The following AAK1 variants were observed in gnomAD, a reference collection of about 807,000 sequenced individuals.
The protein encoded by AAK1 is AP2 associated kinase 1.
In AAK1, 37 loss-of-function variants were observed where a neutral mutation model predicts 116.0. The observed-to-expected ratio is 0.32, with a 90% CI of 0.25 to 0.42. The LOEUF (loss-of-function observed/expected upper bound fraction) is 0.42. Among genes scored for constraint, AAK1 ranks in the 10% least tolerant of loss-of-function variants. The probability of loss-of-function intolerance (pLI) is 1.00; values close to 1 mark genes in which losing one functional copy is unlikely to be tolerated. For missense variants in AAK1, 919 were observed against 1,170.6 expected (o/e 0.79, Z 3.14); for synonymous variants, 458 against 439.9 (o/e 1.04, Z -0.51).
chr2:69,590,909 A>G (rs1672999062), intron 2 of AAK1, among the ~76,000 whole-genome samples: 1 of 152,238 alleles, frequency 6.6e-6, no homozygotes, highest in African/African-American at 2.4e-5. Context: ...TATTGGAGCG[A>G]TAAGGCATGA....
chr2:69,559,229 GAC>G (rs1671523073), intron 2 of AAK1, among the ~76,000 whole-genome samples: 1 of 149,996 alleles, frequency 6.7e-6, no homozygotes, highest in South Asian at 2.1e-4. Flanking sequence ...AAGTAGCATT[GAC>G]ACTTAGAGGT....
Position 69,475,776 on chromosome 2 carries a change from T to G in AAK1, c.*93A>C, listed in dbSNP as rs1572875405. The G allele has an allele frequency of 7.3e-6, 11 of 1,499,800 alleles. No homozygotes were observed. In the South Asian group the frequency reaches 1.0e-4, roughly 14 times the overall value. 92.9% of individuals were successfully genotyped at this position (1,499,800 alleles called of 1,614,324 possible). ...GCTGGAGGGCCCCTTATTTGCAGATTTTTTTAAAAAAATCATTTTTTTCAT... is the reference window on the plus strand; with the variant it reads ...GCTGGAGGGCCCCTTATTTGCAGATGTTTTTAAAAAAATCATTTTTTTCAT... On this transcript the variant is annotated 3_prime_UTR_variant, in exon 22 of 22. Transcript: ENST00000409085.
chr2:69,571,932 A>T (rs1337262410), intron 2 of AAK1, among the ~76,000 whole-genome samples: 2 of 152,204 alleles, frequency 1.3e-5, no homozygotes, highest in African/African-American at 4.8e-5. Flanking sequence ...ACCTGGGATT[A>T]TCAGAAAGCA....
intron 2 of AAK1, among the ~76,000 whole-genome samples, chr2:69,560,956 G>A (rs1411493953): frequency 6.6e-6 from 1 of 152,120 alleles, no homozygotes; most frequent in Non-Finnish European, 1.5e-5. Context: ...TAATGGGATG[G>A]CCACCATGCA....
chr2:69,466,882 T>C lies in AAK1; in HGVS notation c.*8987A>G, dbSNP rs1674504553. 1 of 985,468 alleles carries C rather than the reference T, an allele frequency of 1.0e-6. No homozygotes were observed. The highest frequency in any genetic ancestry group is 4.7e-5 in the South Asian group (1 of 21,290). 61.0% of individuals were successfully genotyped at this position (985,468 alleles called of 1,614,324 possible). ...TGCTCTACCTGGCACTGGCTCATTATGGAATGAAAACAAACCCAGTCATTC... is the reference window on the plus strand; with the variant it reads ...TGCTCTACCTGGCACTGGCTCATTACGGAATGAAAACAAACCCAGTCATTC... On this transcript the variant is annotated 3_prime_UTR_variant, in exon 22 of 22. Coordinates refer to ENST00000409085, the MANE Select transcript of AAK1 (RefSeq NM_014911.5).
Position 69,527,226 on chromosome 2 carries a change from G to A in AAK1, c.965C>T (p.Pro322Leu). The change falls in exon 9 of 22, where the codon CCA (proline) becomes CTA (leucine). Residue 322 changes from proline to leucine, a missense_variant. By Grantham distance (98) the Pro-to-Leu change is moderately conservative (BLOSUM62 -3). Transcript: ENST00000409085. Reference protein sequence around the residue: ...FKLLKKECPIPNVQNSPIPAK... With the variant: ...FKLLKKECPILNVQNSPIPAK... ...GCACCATTCACGTACCTGTACATTT[G>A]GAATTGGGCACTCTTTCTTGAGTAG... The A allele has an allele frequency of 6.2e-7, 1 of 1,601,652 alleles. No homozygotes were observed. The highest frequency in any genetic ancestry group is 1.3e-5 in the African/African-American group (1 of 74,886).
At chr2:69,511,004 A>G (rs999973471) in intron 13 of AAK1, among the ~76,000 whole-genome samples, 2 of 152,234 alleles carry the variant, frequency 1.3e-5, no homozygotes, top group African/African-American at 4.8e-5. Context: ...CCTTAAGCAT[A>G]AGTCACCTAT....
intron 8 of AAK1, among the ~76,000 whole-genome samples, chr2:69,527,559 A>G (rs963378640): frequency 1.3e-5 from 2 of 152,182 alleles, no homozygotes; most frequent in Non-Finnish European, 2.9e-5. Flanking sequence ...CTTAAAGTTC[A>G]TATTCTATGC....
chr2:69,467,291 T>G lies in AAK1; in HGVS notation c.*8578A>C. On this transcript the variant is annotated 3_prime_UTR_variant, in exon 22 of 22. Transcript: ENST00000409085. ...CTTTAAGCAGAAGGAGTAAAATGCA[T>G]GGGCCATTACAGAAGCATTAGCAAA... 2.0e-6 allele frequency: 2 copies of G among 985,444 alleles called. No individual in the cohort carries two copies. Among genetic ancestry groups the G allele is most frequent in the South Asian group, 9.4e-5 (2 of 21,288 alleles). 61.0% of individuals were successfully genotyped at this position (985,444 alleles called of 1,614,324 possible).
rs887799044 is a variant in AAK1, at chr2:69,462,940, G to A, written c.*12929C>T. 12 of 152,206 alleles carry A rather than the reference G, an allele frequency of 7.9e-5. No homozygotes were observed. The highest frequency in any genetic ancestry group is 2.9e-4 in the African/African-American group (12 of 41,454). 9.4% of individuals were successfully genotyped at this position (152,206 alleles called of 1,614,324 possible). Reference sequence around the variant, plus strand: ...GCATCCACCAAAGTGAAGGACATAGGTTTCTGGCACAGTTGAAACCTTAGT... The same window carrying A: ...GCATCCACCAAAGTGAAGGACATAGATTTCTGGCACAGTTGAAACCTTAGT... On this transcript the variant is annotated 3_prime_UTR_variant, in exon 22 of 22. Coordinates refer to ENST00000409085, the MANE Select transcript of AAK1 (RefSeq NM_014911.5).
At chr2:69,493,418 G>A (rs990796940) in intron 17 of AAK1, among the ~76,000 whole-genome samples, 6 of 152,034 alleles carry the variant, frequency 3.9e-5, no homozygotes, top group African/African-American at 1.2e-4. Flanking sequence ...CTCAAAGAGT[G>A]GGTGTGGGGG....
At chr2:69,528,451 T>C (rs1670110788) in intron 8 of AAK1, among the ~76,000 whole-genome samples, 1 of 152,192 alleles carries the variant, frequency 6.6e-6, no homozygotes, top group Admixed American at 6.5e-5. Context: ...AGTCTGTATA[T>C]ACTATGGTGA....
At position 69,622,168 on chromosome 2, in the gene AAK1, G is replaced by A. The variant is rs373734926; in HGVS notation, c.163+20710C>T. 5.9e-5 allele frequency among the ~76,000 whole-genome samples: 9 copies of A among 152,324 alleles called. No homozygotes were observed. The East Asian group carries it at 1.2e-3, about 20-fold the overall frequency. On this transcript the variant is annotated intron_variant, in intron 2 of 21. Transcript: ENST00000409085. ...GGTGGGCGTGGGCTTGGTGGGCCCCGCACTCAGAGCAGACAGCGGGCCCCA... is the reference window on the plus strand; with the variant it reads ...GGTGGGCGTGGGCTTGGTGGGCCCCACACTCAGAGCAGACAGCGGGCCCCA...
At position 69,580,883 on chromosome 2, in the gene AAK1, C is replaced by T. The variant is rs183733189; in HGVS notation, c.164-23905G>A. Among the ~76,000 whole-genome samples, 7 of 152,216 alleles carry T rather than the reference C, an allele frequency of 4.6e-5. No homozygotes were observed. In the South Asian group the frequency reaches 6.2e-4, roughly 14 times the overall value. On this transcript the variant is annotated intron_variant, in intron 2 of 21. Transcript: ENST00000409085. ...TGCTTTTTCTATATTCAGTCTAATGCGCAAAATGATGGTCACCACCAGCCC... is the reference window on the plus strand; with the variant it reads ...TGCTTTTTCTATATTCAGTCTAATGTGCAAAATGATGGTCACCACCAGCCC...
intron 2 of AAK1, among the ~76,000 whole-genome samples, chr2:69,607,972 G>A (rs1367933811): frequency 1.3e-5 from 2 of 152,076 alleles, no homozygotes; most frequent in Non-Finnish European, 2.9e-5. Flanking sequence ...TAAACTAAAG[G>A]CACACAAAAA....
intron 2 of AAK1, among the ~76,000 whole-genome samples, chr2:69,573,446 A>G (rs1672168709): frequency 6.6e-6 from 1 of 152,220 alleles, no homozygotes; most frequent in African/African-American, 2.4e-5. Flanking sequence ...CCACCCAAGT[A>G]TCTAATGCTA....
In AAK1 at chr2:69,642,907, T is replaced by C; in HGVS notation, c.134A>G (p.Gln45Arg). The part of the protein sequence containing the change: ...IGRVFGIGRQ[Q>R]VTVDEVLAEG... ...CGCCAACACCTCGTCCACTGTGACC[T>C]GCTGTCGCCCGATGCCGAAGACTCT... is the stretch of plus-strand genomic sequence containing the variant. The change falls in exon 2 of 22, where the codon CAG becomes CGG. Residue 45 changes from glutamine (Q) to arginine (R), a missense_variant. Physicochemically the swap from Gln to Arg is conservative, Grantham distance 43 (BLOSUM62 1). Transcript: ENST00000409085. 6.2e-7 allele frequency: 1 copy of C among 1,613,952 alleles called. No individual in the cohort carries two copies. Among genetic ancestry groups the C allele is most frequent in the Non-Finnish European group, 8.5e-7 (1 of 1,179,880 alleles).
chr2:69,475,685 G>A lies in AAK1; in HGVS notation c.*184C>T. On this transcript the variant is annotated 3_prime_UTR_variant, in exon 22 of 22. Coordinates refer to ENST00000409085, the MANE Select transcript of AAK1 (RefSeq NM_014911.5). ...AGGAGGAACTGGCCAAGGAATATCTGGAGGGCCAAAGTGATTTTCTTTCCT... is the reference window on the plus strand; with the variant it reads ...AGGAGGAACTGGCCAAGGAATATCTAGAGGGCCAAAGTGATTTTCTTTCCT... 1.4e-6 allele frequency: 2 copies of A among 1,388,230 alleles called. No individual in the cohort carries two copies. The highest frequency in any genetic ancestry group is 3.5e-5 in the South Asian group (2 of 56,866). 86.0% of individuals were successfully genotyped at this position (1,388,230 alleles called of 1,614,324 possible).
chr2:69,634,804 C>T (rs183062403), intron 2 of AAK1, among the ~76,000 whole-genome samples: 1 of 152,002 alleles, frequency 6.6e-6, no homozygotes, highest in East Asian at 1.9e-4. Flanking sequence ...CCATCTTTAC[C>T]TATGTTCTAG....
Sources: allele counts gnomAD v4.1 joint callset (sites outside exome capture counted in the v4.1 genomes callset), GRCh38; gene constraint gnomAD v4.1.1; transcripts MANE v1.5; gene names NCBI Gene and HGNC (gene_info 2026-07-23, HGNC 2026-07-21).